Variants in OPRM1 observed in about 807,000 individuals in gnomAD.
OPRM1 encodes the protein opioid receptor mu 1.
Under a neutral mutation model 31.8 loss-of-function variants are expected in OPRM1, and 27 were observed. The observed-to-expected ratio is 0.85, with a 90% CI of 0.63 to 1.17. The LOEUF (loss-of-function observed/expected upper bound fraction) is 1.17. Among genes scored for constraint, OPRM1 ranks in the 50% most tolerant of loss-of-function variants. The probability of loss-of-function intolerance (pLI) is 0.00; values close to 1 mark genes in which losing one functional copy is unlikely to be tolerated. For missense variants in OPRM1, 536 were observed against 511.1 expected, an observed-to-expected ratio of 1.05 and a Z score of -0.47; for synonymous variants, 196 against 189.9, an observed-to-expected ratio of 1.03 and a Z score of -0.26.
chr6:154,074,646 G>C lies in OPRM1; in HGVS notation c.291-15180G>C, dbSNP rs1311051873. 2.0e-5 allele frequency among the ~76,000 whole-genome samples: 3 copies of C among 152,136 alleles called. No homozygotes were observed. In the East Asian group the frequency reaches 5.8e-4, roughly 29 times the overall value. ...GTGGTGGTACACTCCTGTAGTCCCAGCTACTTGGGAGGCTGAGGCAGGAGA... is the reference window on the plus strand; with the variant it reads ...GTGGTGGTACACTCCTGTAGTCCCACCTACTTGGGAGGCTGAGGCAGGAGA... On this transcript the variant is annotated intron_variant, in intron 1 of 3. Transcript: ENST00000330432.
At chr6:154,058,526 A>G (rs1245918867) in intron 1 of OPRM1, among the ~76,000 whole-genome samples, 1 of 152,198 alleles carries the variant, frequency 6.6e-6, no homozygotes, top group Non-Finnish European at 1.5e-5. Flanking sequence ...ATCTAGAAGC[A>G]ATGTTAGTAC....
intron 3 of OPRM1, among the ~76,000 whole-genome samples, chr6:154,112,713 A>G (rs568363962): frequency 1.3e-5 from 2 of 152,354 alleles, no homozygotes; most frequent in East Asian, 3.9e-4. Flanking sequence ...TGCCTCTCCC[A>G]ATAATTCACA....
In OPRM1 at chr6:154,148,584, C is replaced by A. The variant is rs148869132; in HGVS notation, c.1164+57112C>A. 4.6e-5 allele frequency among the ~76,000 whole-genome samples: 7 copies of A among 152,292 alleles called. No individual in the cohort carries two copies. In the East Asian group the frequency reaches 1.2e-3, roughly 25 times the overall value. ...GCCTGTGTGCTTCTTCTGAAAGGGA[C>A]GCTCTCTGGTAGGTATTTTCATTCA... is the stretch of plus-strand genomic sequence containing the variant. On this transcript the variant is annotated intron_variant, in intron 3 of 3. Coordinates refer to the OPRM1 transcript ENST00000337049.
chr6:154,243,391 T>C (rs1780756008), intron 3 of OPRM1, among the ~76,000 whole-genome samples: 1 of 152,196 alleles, frequency 6.6e-6, no homozygotes, highest in South Asian at 2.1e-4. Flanking sequence ...AAATGGCAGA[T>C]GAGCCTCTGG....
intron 3 of OPRM1, among the ~76,000 whole-genome samples, chr6:154,173,733 AT>A (rs1310982553): frequency 5.9e-5 from 9 of 152,202 alleles, no homozygotes; most frequent in African/African-American, 1.9e-4. Context: ...ATGGGACCAA[AT>A]TGGAAAACAC....
intron 3 of OPRM1, chr6:154,221,340 A>T: frequency 6.2e-7 from 1 of 1,611,462 alleles, no homozygotes; most frequent in Non-Finnish European, 8.5e-7. Context: ...TTGAAGGAGG[A>T]AAAGCACAAA....
intron 3 of OPRM1, among the ~76,000 whole-genome samples, chr6:154,216,035 C>T (rs1778365677): frequency 6.6e-6 from 1 of 152,026 alleles, no homozygotes; most frequent in African/African-American, 2.4e-5. Context: ...AACATGAAAA[C>T]TGATACAGCC....
chr6:154,076,693 A>G (rs755107745), intron 1 of OPRM1, among the ~76,000 whole-genome samples: 7 of 152,290 alleles, frequency 4.6e-5, no homozygotes, highest in Non-Finnish European at 7.4e-5. Context: ...GAGCTCTTCA[A>G]TCCATCATCC....
intron 3 of OPRM1, among the ~76,000 whole-genome samples, chr6:154,200,573 T>C (rs2128592068): frequency 6.6e-6 from 1 of 152,000 alleles, no homozygotes; most frequent in Non-Finnish European, 1.5e-5. Context: ...ATACAAAAAT[T>C]AGCCTGGCTT....
At chr6:154,026,940 G>C (rs998519177) in intron 1 of OPRM1, among the ~76,000 whole-genome samples, 3 of 151,728 alleles carry the variant, frequency 2.0e-5, no homozygotes, top group Admixed American at 1.3e-4. Context: ...TGTTTCTCCA[G>C]GAATAGTCCC....
intron 3 of OPRM1, among the ~76,000 whole-genome samples, chr6:154,244,301 G>GGTGGGT (rs71802413): frequency 8.8e-5 from 13 of 147,960 alleles, no homozygotes; most frequent in African/African-American, 2.5e-4. Context: ...TGTGTGGGTG[G>GGTGGGT]GTGTGTGTGT....
chr6:154,239,202 A>G (rs1180876613), intron 3 of OPRM1, among the ~76,000 whole-genome samples: 1 of 152,220 alleles, frequency 6.6e-6, no homozygotes, highest in African/African-American at 2.4e-5. Context: ...GGAAAATAAT[A>G]TTGGCAACAT....
chr6:154,242,887 CAAAGA>C (rs10692865), intron 3 of OPRM1, among the ~76,000 whole-genome samples: 97,252 of 151,444 alleles, frequency 0.64, 31,855 homozygotes, highest in Admixed American at 0.75. Flanking sequence ...GACTCCGTCT[CAAAGA>C]AAAGAAAAGA....
At chr6:154,221,063 C>T (rs1222600877) in intron 3 of OPRM1, among the ~76,000 whole-genome samples, 1 of 152,204 alleles carries the variant, frequency 6.6e-6, no homozygotes, top group Non-Finnish European at 1.5e-5. Flanking sequence ...CACTTTGATA[C>T]ATGTAATTCT....
intron 3 of OPRM1, among the ~76,000 whole-genome samples, chr6:154,116,834 CTCTG>C (rs1421404043): frequency 1.3e-5 from 2 of 152,180 alleles, no homozygotes; most frequent in African/African-American, 4.8e-5. Context: ...CGAACAGCCC[CTCTG>C]TCTGCTGATC....
chr6:154,104,136 T>C (rs1795250779), intron 3 of OPRM1, among the ~76,000 whole-genome samples: 1 of 152,160 alleles, frequency 6.6e-6, no homozygotes, highest in Non-Finnish European at 1.5e-5. Context: ...GCAATAATAT[T>C]CCTGCCTAGC....
chr6:154,205,749 A>G (rs1777442192), intron 3 of OPRM1, among the ~76,000 whole-genome samples: 1 of 152,212 alleles, frequency 6.6e-6, no homozygotes, highest in Non-Finnish European at 1.5e-5. Flanking sequence ...TGCAATTAGG[A>G]CAAGGTGCAC....
At chr6:154,032,527 C>G (rs751626354) in intron 1 of OPRM1, among the ~76,000 whole-genome samples, 4 of 152,206 alleles carry the variant, frequency 2.6e-5, no homozygotes, top group Non-Finnish European at 4.4e-5. Context: ...CCTCAACCTC[C>G]TGGGCTCAAG....
chr6:154,219,257 TAACA>T (rs1778653683), intron 3 of OPRM1: 2 of 152,178 alleles, frequency 1.3e-5, no homozygotes, highest in South Asian at 4.1e-4. Context: ...ATTCACTAGG[TAACA>T]AACAAAGCAC....
Sources: gnomAD v4.1 joint callset for allele counts (sites outside exome capture counted in the v4.1 genomes callset) on GRCh38, gnomAD v4.1.1 for gene constraint, MANE v1.5 for transcripts, NCBI Gene and HGNC (gene_info 2026-07-23, HGNC 2026-07-21) for gene names.